RARB: variants seen among roughly 807,000 people sequenced by gnomAD.
RARB encodes the protein HBV-activated protein.
Under a neutral mutation model 51.9 loss-of-function variants are expected in RARB, and 17 were observed. The observed-to-expected ratio is 0.33, with a 90% confidence interval of 0.22 to 0.49. The LOEUF (loss-of-function observed/expected upper bound fraction) is 0.49, where lower values mean the gene tolerates loss of function less well. Among genes scored for constraint, RARB ranks in the 20% least tolerant of loss-of-function variants. The pLI, the probability that RARB is intolerant of heterozygous loss-of-function variation, is 0.99. For missense variants in RARB, 369 were observed against 550.8 expected, an observed-to-expected ratio of 0.67 and a Z score of 3.30; for synonymous variants, 215 against 195.4, an observed-to-expected ratio of 1.10 and a Z score of -0.84.
chr3:25,104,181 C>T (rs774511986), intron 3 of RARB, among the ~76,000 whole-genome samples: 1 of 152,064 alleles, frequency 6.6e-6, no homozygotes, highest in Non-Finnish European at 1.5e-5. Context: ...GTGATTATAC[C>T]GTACACCTGC....
Position 25,460,529 on chromosome 3 carries a change from C to A in RARB, c.158-664C>A, listed in dbSNP as rs540766908. On this transcript the variant is annotated intron_variant, in intron 1 of 7. Coordinates refer to ENST00000330688, the MANE Select transcript of RARB (RefSeq NM_000965.5). ...GTCGTACGATTTCAGCTCACTGCAA[C>A]CTCTGCCTCCTGGGTTCAAGCGATT... Among the ~76,000 whole-genome samples the A allele has an allele frequency of 6.6e-5, 10 of 151,894 alleles. No individual in the cohort carries two copies. The South Asian group carries it at 1.9e-3, about 28-fold the overall frequency.
rs367554905 is a variant in RARB, at chr3:25,170,041, C to T, written c.-279-4078C>T. Among the ~76,000 whole-genome samples, 11 of 150,698 alleles carry T rather than the reference C, an allele frequency of 7.3e-5. No homozygotes were observed. In the East Asian group the frequency reaches 1.7e-3, roughly 24 times the overall value. On this transcript the variant is annotated intron_variant, in intron 4 of 11. Coordinates refer to the RARB transcript ENST00000383772. ...AAAAAAAAAGAAATTGAAGTACTTG[C>T]TTCTGAGGGGAACTCAAGAATGAGA...
intron 5 of RARB, among the ~76,000 whole-genome samples, chr3:25,359,019 C>G (rs1172832780): frequency 6.6e-6 from 1 of 151,770 alleles, no homozygotes; most frequent in African/African-American, 2.4e-5. Flanking sequence ...AGGAGTCACT[C>G]TTTTTCTATT....
chr3:25,421,984 T>C (rs552669815), intron 5 of RARB, among the ~76,000 whole-genome samples: 21 of 152,290 alleles, frequency 1.4e-4, no homozygotes, highest in African/African-American at 4.8e-4. Flanking sequence ...GATGGAAACA[T>C]TCTATGTCTG....
At position 24,889,337 on chromosome 3, in the gene RARB, C is replaced by T. The variant is rs527345296; in HGVS notation, c.-380+30585C>T. ...CTTATGGCTTTAAGTCTGGGTTTTCCATTAGTGAGCCAAAGCAGGAGAGAA... is the reference window on the plus strand; with the variant it reads ...CTTATGGCTTTAAGTCTGGGTTTTCTATTAGTGAGCCAAAGCAGGAGAGAA... On this transcript the variant is annotated intron_variant, in intron 2 of 11. Coordinates refer to the RARB transcript ENST00000383772. 6.6e-5 allele frequency among the ~76,000 whole-genome samples: 10 copies of T among 152,158 alleles called. No individual in the cohort carries two copies. The South Asian group carries it at 1.9e-3, about 28-fold the overall frequency.
intron 2 of RARB, among the ~76,000 whole-genome samples, chr3:24,862,410 C>T (rs1270828136): frequency 6.6e-6 from 1 of 152,160 alleles, no homozygotes; most frequent in African/African-American, 2.4e-5. Flanking sequence ...CCCTCCTTAT[C>T]CATGTTTTTG....
At chr3:25,382,555 C>T (rs1371367780) in intron 5 of RARB, among the ~76,000 whole-genome samples, 1 of 152,218 alleles carries the variant, frequency 6.6e-6, no homozygotes, top group Non-Finnish European at 1.5e-5. Context: ...GTATACCTCT[C>T]TTATGAAATG....
At chr3:25,583,048 A>T (rs1288200806) in intron 5 of RARB, among the ~76,000 whole-genome samples, 2 of 152,152 alleles carry the variant, frequency 1.3e-5, no homozygotes, top group African/African-American at 4.8e-5. Flanking sequence ...TTCCTGGGCC[A>T]TGGGGGTGAG....
chr3:25,104,061 T>C (rs1699453633), intron 3 of RARB, among the ~76,000 whole-genome samples: 1 of 152,228 alleles, frequency 6.6e-6, no homozygotes. Flanking sequence ...TTTGAAATCC[T>C]TTACTGTCTC....
intron 3 of RARB, among the ~76,000 whole-genome samples, chr3:25,502,991 C>T (rs917885496): frequency 1.3e-5 from 2 of 152,198 alleles, no homozygotes; most frequent in African/African-American, 4.8e-5. Context: ...TATTTAGAGT[C>T]CTCATGAATG....
chr3:25,460,705 C>T (rs1369458526), intron 1 of RARB, among the ~76,000 whole-genome samples: 3 of 152,080 alleles, frequency 2.0e-5, no homozygotes, highest in East Asian at 3.8e-4. Context: ...GCCTCAGCCT[C>T]CCAAAGTGCT....
chr3:24,879,402 C>G (rs1374136145), intron 2 of RARB, among the ~76,000 whole-genome samples: 1 of 150,242 alleles, frequency 6.7e-6, no homozygotes, highest in African/African-American at 2.5e-5. Flanking sequence ...GCATTCCAGC[C>G]TGGGCGACAG....
chr3:25,087,227 T>C (rs887727440), intron 3 of RARB, among the ~76,000 whole-genome samples: 10 of 152,170 alleles, frequency 6.6e-5, no homozygotes, highest in African/African-American at 2.4e-4. Context: ...TGACCACCTA[T>C]TCCTTTCATG....
chr3:25,123,866 C>A (rs908280333), intron 3 of RARB, among the ~76,000 whole-genome samples: 1 of 152,176 alleles, frequency 6.6e-6, no homozygotes, highest in African/African-American at 2.4e-5. Flanking sequence ...AAGCTCATTT[C>A]CTGTTGTCTT....
chr3:24,882,178 T>A (rs1001191573), intron 2 of RARB, among the ~76,000 whole-genome samples: 1 of 152,210 alleles, frequency 6.6e-6, no homozygotes, highest in Non-Finnish European at 1.5e-5. Flanking sequence ...AATAGCAATA[T>A]AATTTTTAAA....
intron 5 of RARB, among the ~76,000 whole-genome samples, chr3:25,387,600 G>A (rs936339761): frequency 7.2e-5 from 11 of 152,124 alleles, no homozygotes; most frequent in East Asian, 1.9e-4. Context: ...CCCTCCCCAC[G>A]AGTCTTCTGG....
At chr3:25,369,377 C>A (rs35946440) in intron 5 of RARB, among the ~76,000 whole-genome samples, 3 of 151,920 alleles carry the variant, frequency 2.0e-5, no homozygotes, top group Admixed American at 6.6e-5. Context: ...ATGTGCCAGG[C>A]ACTATTCAAG....
intron 2 of RARB, among the ~76,000 whole-genome samples, chr3:25,012,300 TA>T: frequency 6.6e-6 from 1 of 152,206 alleles, no homozygotes; most frequent in South Asian, 2.1e-4. Flanking sequence ...TGTTTCTTAT[TA>T]AAAAGAAAGT....
intron 2 of RARB, among the ~76,000 whole-genome samples, chr3:24,902,277 A>G (rs1056593438): frequency 1.3e-5 from 2 of 152,174 alleles, no homozygotes; most frequent in Admixed American, 6.5e-5. Flanking sequence ...TTAAGTACAT[A>G]TGTGGCATGC....
Sources: gnomAD v4.1 joint callset for allele counts (sites outside exome capture counted in the v4.1 genomes callset) on GRCh38, gnomAD v4.1.1 for gene constraint, MANE v1.5 for transcripts, NCBI Gene and HGNC (gene_info 2026-07-23, HGNC 2026-07-21) for gene names.